Variants in GPC3 observed in about 807,000 individuals in gnomAD.
The protein encoded by GPC3 is glypican 3.
In GPC3, 3 loss-of-function variants were observed where a neutral mutation model predicts 34.4. The observed-to-expected ratio is 0.09, with a 90% CI of 0.04 to 0.23. The LOEUF (loss-of-function observed/expected upper bound fraction) is 0.23, where lower values mean the gene tolerates loss of function less well. Among genes scored for constraint, GPC3 ranks in the 10% least tolerant of loss-of-function variants. GPC3 has a pLI of 1.00. For synonymous variants in GPC3, 177 were observed against 174.0 expected (o/e 1.02, Z -0.13); for missense variants, 351 against 445.6 (o/e 0.79, Z 1.91).
chrX:133,870,477 T>G (rs2075989616), intron 2 of GPC3, among the ~76,000 whole-genome samples: 1 of 112,030 alleles, frequency 8.9e-6, no homozygotes, highest in African/African-American at 3.2e-5. Flanking sequence ...CCTTTTTATT[T>G]ATACTTTGCT....
At chrX:133,547,931 G>A (rs1279453443) in intron 7 of GPC3, among the ~76,000 whole-genome samples, 4 of 111,202 alleles carry the variant, frequency 3.6e-5, no homozygotes, top group Non-Finnish European at 5.7e-5. Flanking sequence ...AAAGTGCTGC[G>A]ATTACAGGTG....
intron 7 of GPC3, among the ~76,000 whole-genome samples, chrX:133,557,314 T>A (rs1404411539): frequency 9.0e-6 from 1 of 110,648 alleles, no homozygotes; most frequent in Admixed American, 9.6e-5. Context: ...AAAATAAAAA[T>A]AAATAAATAA....
At chrX:133,911,707 T>A (rs1296896476) in intron 2 of GPC3, among the ~76,000 whole-genome samples, 2 of 111,846 alleles carry the variant, frequency 1.8e-5, no homozygotes, top group African/African-American at 3.2e-5. Context: ...TGACCTTCTG[T>A]ACTCCTCCCA....
intron 4 of GPC3, among the ~76,000 whole-genome samples, chrX:133,693,022 C>T (rs1034477833): frequency 3.6e-5 from 4 of 111,876 alleles, no homozygotes; most frequent in Non-Finnish European, 5.6e-5. Context: ...CAACTCACAT[C>T]TGCCAGAAGA....
Position 133,767,514 on chromosome X carries a change from G to A in GPC3, c.338-13338C>T, listed in dbSNP as rs768412202. On this transcript the variant is annotated intron_variant, in intron 2 of 7. Coordinates refer to ENST00000370818, the MANE Select transcript of GPC3 (RefSeq NM_004484.4). ...CAGGCTCTCCCTTGAGTCGCAGTTC[G>A]TTCAAAGGGCTACTGGCAGAAACAA... Among the ~76,000 whole-genome samples, 31 of 111,739 alleles carry A rather than the reference G, an allele frequency of 2.8e-4. 1 individual carries two copies. Among genetic ancestry groups the A allele is most frequent in the Non-Finnish European group, 5.1e-4 (27 of 53,153 alleles).
intron 1 of GPC3, among the ~76,000 whole-genome samples, chrX:133,977,382 C>T (rs759244266): frequency 8.9e-6 from 1 of 112,405 alleles, no homozygotes; most frequent in South Asian, 3.7e-4. Context: ...ATTGGGACAT[C>T]CTTCTGTATT....
intron 3 of GPC3, among the ~76,000 whole-genome samples, chrX:133,751,782 A>G (rs2071669766): frequency 8.9e-6 from 1 of 112,550 alleles, no homozygotes. Flanking sequence ...TGACTTAACT[A>G]GCTTTGAGGA....
At chrX:133,577,164 G>C (rs773091477) in intron 7 of GPC3, among the ~76,000 whole-genome samples, 1 of 112,104 alleles carries the variant, frequency 8.9e-6, no homozygotes. Context: ...ACTCTTGGTA[G>C]TGCTCACACT....
intron 2 of GPC3, among the ~76,000 whole-genome samples, chrX:133,825,011 A>G (rs1247800508): frequency 9.0e-6 from 1 of 111,427 alleles, no homozygotes; most frequent in Non-Finnish European, 1.9e-5. Flanking sequence ...GTGTGCCACC[A>G]TGCCAAGCTA....
At chrX:133,704,253 C>G in intron 3 of GPC3, 1 of 1,087,256 alleles carries the variant, frequency 9.2e-7, no homozygotes, top group African/African-American at 1.9e-5. Context: ...ATTTGAAGTG[C>G]CATATTTTCT....
intron 6 of GPC3, among the ~76,000 whole-genome samples, chrX:133,640,630 C>T (rs995877851): frequency 8.9e-6 from 1 of 112,384 alleles, no homozygotes; most frequent in Non-Finnish European, 1.9e-5. Context: ...GAAAAATCTC[C>T]TCCTCAATCT....
chrX:133,748,982 G>C (rs2071634342), intron 3 of GPC3, among the ~76,000 whole-genome samples: 1 of 111,750 alleles, frequency 8.9e-6, no homozygotes, highest in African/African-American at 3.3e-5. Flanking sequence ...AATAATTTGG[G>C]CACGGTGGCT....
chrX:133,930,495 TG>T (rs2076293624), intron 2 of GPC3, among the ~76,000 whole-genome samples: 5 of 112,518 alleles, frequency 4.4e-5, no homozygotes, highest in African/African-American at 9.7e-5. Context: ...GAAGCAGAAA[TG>T]TTTTAAAGTA....
chrX:133,801,677 AGG>A lies in GPC3; in HGVS notation c.338-47503_338-47502del, dbSNP rs1329152993. ...TTCATTTCAAGGGATTTTAATTAAA[AGG>A]TCAAGAACACTAAAATACAACAAGA... On this transcript the variant is annotated intron_variant, in intron 2 of 7. Transcript: ENST00000370818. Among the ~76,000 whole-genome samples, 10 of 112,424 alleles carry A rather than the reference AGG, an allele frequency of 8.9e-5. No homozygotes were observed. In the Admixed American group the frequency reaches 9.4e-4, roughly 11 times the overall value.
At chrX:133,748,528 T>A (rs1447130863) in intron 3 of GPC3, among the ~76,000 whole-genome samples, 1 of 111,394 alleles carries the variant, frequency 9.0e-6, no homozygotes, top group East Asian at 2.8e-4. Context: ...CTTGGACTTT[T>A]CAGCACAAAT....
At chrX:133,603,608 A>C (rs2070012594) in intron 6 of GPC3, among the ~76,000 whole-genome samples, 1 of 111,987 alleles carries the variant, frequency 8.9e-6, no homozygotes, top group Non-Finnish European at 1.9e-5. Context: ...GTAGTTACGG[A>C]AAATACCCTT....
chrX:133,891,731 G>A (rs1203260565), intron 2 of GPC3, among the ~76,000 whole-genome samples: 1 of 106,436 alleles, frequency 9.4e-6, no homozygotes, highest in Non-Finnish European at 1.9e-5. Context: ...TTCAGGAGGT[G>A]GAGGCTGCAG....
intron 1 of GPC3, among the ~76,000 whole-genome samples, chrX:133,956,283 G>A (rs1254876143): frequency 1.8e-5 from 2 of 112,202 alleles, no homozygotes; most frequent in African/African-American, 6.5e-5. Flanking sequence ...TTTCAATATG[G>A]TCTAAGCTTA....
intron 6 of GPC3, among the ~76,000 whole-genome samples, chrX:133,642,981 T>C (rs903313727): frequency 6.3e-5 from 7 of 111,358 alleles, no homozygotes; most frequent in African/African-American, 2.0e-4. Context: ...AAGGAATTTA[T>C]TTCCCTAAGG....
Sources: allele counts gnomAD v4.1 joint callset (sites outside exome capture counted in the v4.1 genomes callset), GRCh38; gene constraint gnomAD v4.1.1; transcripts MANE v1.5; gene names NCBI Gene and HGNC (gene_info 2026-07-23, HGNC 2026-07-21).